The following LRRC4C variants were observed in gnomAD, a reference collection of about 807,000 sequenced individuals.
LRRC4C encodes leucine-rich repeat-containing protein 4C.
In LRRC4C, 5 loss-of-function variants were observed where a neutral mutation model predicts 33.6. The observed-to-expected ratio is 0.15, with a 90% confidence interval of 0.08 to 0.31. LRRC4C has a LOEUF of 0.31. Among genes scored for constraint, LRRC4C ranks in the 10% least tolerant of loss-of-function variants. LRRC4C has a pLI of 1.00. For missense variants in LRRC4C, 560 were observed against 796.7 expected, an observed-to-expected ratio of 0.70 and a Z score of 3.58; for synonymous variants, 329 against 302.0, an observed-to-expected ratio of 1.09 and a Z score of -0.93.
At chr11:41,398,084 A>G (rs976014269) in intron 1 of LRRC4C, among the ~76,000 whole-genome samples, 5 of 151,912 alleles carry the variant, frequency 3.3e-5, no homozygotes, top group Non-Finnish European at 5.9e-5. Flanking sequence ...TTATTCTTCA[A>G]TGTGTAGAAT....
intron 5 of LRRC4C, among the ~76,000 whole-genome samples, chr11:40,160,766 G>T (rs2135343701): frequency 6.6e-6 from 1 of 152,238 alleles, no homozygotes; most frequent in Non-Finnish European, 1.5e-5. Context: ...AACTGAAGAT[G>T]GTAACTATCA....
At chr11:40,481,724 T>C (rs1053232590) in intron 3 of LRRC4C, among the ~76,000 whole-genome samples, 17 of 152,208 alleles carry the variant, frequency 1.1e-4, no homozygotes, top group Non-Finnish European at 2.4e-4. Flanking sequence ...TTTTACAATT[T>C]TCTTTGTTAT....
intron 5 of LRRC4C, among the ~76,000 whole-genome samples, chr11:40,192,704 T>A (rs1450856548): frequency 6.6e-6 from 1 of 152,166 alleles, no homozygotes; most frequent in African/African-American, 2.4e-5. Context: ...ATCCACTGGC[T>A]TGAAATTCTC....
intron 4 of LRRC4C, among the ~76,000 whole-genome samples, chr11:40,273,809 A>T (rs1942887451): frequency 6.6e-6 from 1 of 152,134 alleles, no homozygotes; most frequent in Non-Finnish European, 1.5e-5. Flanking sequence ...GATTATTGGA[A>T]ACAGAAATGA....
intron 1 of LRRC4C, among the ~76,000 whole-genome samples, chr11:41,235,057 C>T (rs188366316): frequency 6.6e-6 from 1 of 151,892 alleles, no homozygotes; most frequent in Non-Finnish European, 1.5e-5. Flanking sequence ...GTTCTATAAA[C>T]ATGTGGATAA....
chr11:41,318,635 G>A (rs544742092), intron 1 of LRRC4C, among the ~76,000 whole-genome samples: 2 of 152,130 alleles, frequency 1.3e-5, no homozygotes, highest in East Asian at 3.9e-4. Context: ...AGTCACTGGT[G>A]ACCTTCCCTT....
chr11:40,368,477 T>C (rs1948311147), intron 3 of LRRC4C, among the ~76,000 whole-genome samples: 1 of 152,156 alleles, frequency 6.6e-6, no homozygotes, highest in African/African-American at 2.4e-5. Context: ...TTTTTACAAG[T>C]GTTTATTCAA....
intron 2 of LRRC4C, among the ~76,000 whole-genome samples, chr11:40,761,209 C>A (rs996285655): frequency 6.6e-5 from 10 of 151,994 alleles, no homozygotes; most frequent in Non-Finnish European, 1.3e-4. Flanking sequence ...TAGGCCTTGC[C>A]ATTTACTAGT....
chr11:40,634,409 C>T (rs374645646), intron 3 of LRRC4C, among the ~76,000 whole-genome samples: 4 of 151,988 alleles, frequency 2.6e-5, no homozygotes, highest in East Asian at 3.9e-4. Context: ...TTAGGGTTTA[C>T]GGATTTCATT....
intron 2 of LRRC4C, among the ~76,000 whole-genome samples, chr11:40,883,433 C>A (rs1955283408): frequency 6.6e-6 from 1 of 151,920 alleles, no homozygotes; most frequent in Non-Finnish European, 1.5e-5. Flanking sequence ...GAAAAGATTT[C>A]TATCAGCAGA....
chr11:40,976,596 A>T (rs371685136), intron 1 of LRRC4C, among the ~76,000 whole-genome samples: 1 of 152,206 alleles, frequency 6.6e-6, no homozygotes, highest in African/African-American at 2.4e-5. Context: ...ACTTTTTCAA[A>T]ATCCAATTGG....
intron 5 of LRRC4C, among the ~76,000 whole-genome samples, chr11:40,154,887 A>G (rs10837353): frequency 6.6e-6 from 1 of 151,980 alleles, no homozygotes; most frequent in Non-Finnish European, 1.5e-5. Flanking sequence ...TTCATCCAAC[A>G]ACCACAGGAT....
At chr11:41,143,911 G>A (rs1943621621) in intron 1 of LRRC4C, among the ~76,000 whole-genome samples, 2 of 152,126 alleles carry the variant, frequency 1.3e-5, no homozygotes, top group African/African-American at 4.8e-5. Flanking sequence ...TCCACATACA[G>A]TTTTAAACAT....
At chr11:40,879,565 A>G (rs1955069561) in intron 2 of LRRC4C, among the ~76,000 whole-genome samples, 2 of 152,284 alleles carry the variant, frequency 1.3e-5, no homozygotes, top group East Asian at 1.9e-4. Flanking sequence ...GAGACCTACA[A>G]ACAAGTACGT....
At chr11:41,422,343 G>A (rs1446193698) in intron 1 of LRRC4C, among the ~76,000 whole-genome samples, 2 of 152,002 alleles carry the variant, frequency 1.3e-5, no homozygotes, top group Admixed American at 6.6e-5. Flanking sequence ...TTTAGAAAAG[G>A]TCTTGTGACA....
At chr11:40,518,934 G>T (rs1441861444) in intron 3 of LRRC4C, among the ~76,000 whole-genome samples, 1 of 152,170 alleles carries the variant, frequency 6.6e-6, no homozygotes, top group Non-Finnish European at 1.5e-5. Context: ...ATGAGGTAAT[G>T]TCCTTTGCAG....
At chr11:40,636,287 A>G (rs998527971) in intron 3 of LRRC4C, among the ~76,000 whole-genome samples, 3 of 152,174 alleles carry the variant, frequency 2.0e-5, no homozygotes, top group African/African-American at 7.2e-5. Context: ...AATTGAAGAC[A>G]ACTGCATGTC....
chr11:41,450,806 T>G (rs1253157053), intron 1 of LRRC4C, among the ~76,000 whole-genome samples: 1 of 152,172 alleles, frequency 6.6e-6, no homozygotes, highest in East Asian at 1.9e-4. Flanking sequence ...CTATTAGCAC[T>G]GATATATGCA....
At chr11:41,142,318 A>G (rs1943542688) in intron 1 of LRRC4C, among the ~76,000 whole-genome samples, 3 of 152,180 alleles carry the variant, frequency 2.0e-5, no homozygotes, top group Non-Finnish European at 4.4e-5. Flanking sequence ...AGAACACAGC[A>G]GTGCTCAAAC....
Sources: allele counts gnomAD v4.1 joint callset (sites outside exome capture counted in the v4.1 genomes callset), GRCh38; gene constraint gnomAD v4.1.1; transcripts MANE v1.5; gene names NCBI Gene and HGNC (gene_info 2026-07-23, HGNC 2026-07-21).